Variants in HSD17B4 observed in about 807,000 individuals in gnomAD.
HSD17B4 encodes the protein hydroxysteroid 17-beta dehydrogenase 4, also known as peroxisomal multifunctional enzyme type 2.
In HSD17B4, 70 loss-of-function variants were observed where a neutral mutation model predicts 101.0. That is an observed-to-expected ratio of 0.69 (90% CI 0.57 to 0.85). HSD17B4 has a LOEUF of 0.85. HSD17B4 is among the 40% of genes least tolerant of loss of function. The pLI is 0.00. For synonymous variants in HSD17B4, 347 were observed against 297.1 expected, an observed-to-expected ratio of 1.17 and a Z score of -1.73; for missense variants, 984 against 892.4, an observed-to-expected ratio of 1.10 and a Z score of -1.31.
intron 22 of HSD17B4, chr5:119,535,665 A>G (rs901205347): frequency 7.6e-6 from 1 of 130,732 alleles, no homozygotes; most frequent in Non-Finnish European, 1.7e-5. Flanking sequence ...TTACTAATAT[A>G]TATTTTATAT....
chr5:119,525,755 C>G, intron 18 of HSD17B4, 162 bp from the exon 19 acceptor site: 1 of 571,708 alleles, frequency 1.7e-6, no homozygotes, highest in Admixed American at 3.3e-5. Context: ...AATTTCCTCC[C>G]AGGAAATACT....
intron 11 of HSD17B4, among the ~76,000 whole-genome samples, chr5:119,495,472 A>G (rs1580612217): frequency 2.0e-5 from 3 of 152,194 alleles, no homozygotes. Flanking sequence ...AGGAAAACCT[A>G]AACTAGCCAG....
chr5:119,494,325 T>TTTC (rs1554064680), intron 11 of HSD17B4, among the ~76,000 whole-genome samples: 586 of 111,590 alleles, frequency 5.3e-3, no homozygotes, highest in Non-Finnish European at 8.7e-3. Flanking sequence ...TCTTTCTTTC[T>TTTC]TTTCTTTCTT....
At chr5:119,458,192 A>C (rs1259117500) in intron 2 of HSD17B4, among the ~76,000 whole-genome samples, 2 of 152,218 alleles carry the variant, frequency 1.3e-5, no homozygotes, top group East Asian at 3.8e-4. Flanking sequence ...AGCCAGATTT[A>C]GTTTAGTATT....
chr5:119,484,911 G>A (rs552600825), intron 8 of HSD17B4, among the ~76,000 whole-genome samples: 37 of 152,158 alleles, frequency 2.4e-4, no homozygotes, highest in African/African-American at 8.9e-4. Context: ...TCTCATAGTC[G>A]TGTCAAAGGA....
intron 3 of HSD17B4, 51 bp from the exon 4 acceptor site, chr5:119,474,350 C>G (rs183339653): frequency 8.9e-7 from 1 of 1,122,034 alleles, no homozygotes; most frequent in African/African-American, 1.5e-5. Context: ...ATTTAGAAGT[C>G]CTTTGGAAGG....
At chr5:119,493,749 G>T in intron 10 of HSD17B4, 69 bp from the exon 11 acceptor site, 11 of 1,392,378 alleles carry the variant, frequency 7.9e-6, no homozygotes, top group Non-Finnish European at 1.1e-5. Flanking sequence ...AAATGAAAGG[G>T]TTCTTATGCA....
At chr5:119,500,295 T>C (rs190644594) in intron 13 of HSD17B4, among the ~76,000 whole-genome samples, 1 of 152,142 alleles carries the variant, frequency 6.6e-6, no homozygotes, top group East Asian at 1.9e-4. Flanking sequence ...ATAATTGGGA[T>C]ATGTATATAT....
intron 17 of HSD17B4, among the ~76,000 whole-genome samples, chr5:119,517,261 G>A (rs149177941): frequency 0.042 from 6,385 of 152,298 alleles, 561 homozygotes; most frequent in East Asian, 0.42. Flanking sequence ...CAGCGGCTGC[G>A]GAGGGTGTAC....
chr5:119,511,768 C>T (rs551253814), intron 16 of HSD17B4, among the ~76,000 whole-genome samples: 5 of 152,288 alleles, frequency 3.3e-5, no homozygotes, highest in African/African-American at 1.2e-4. Flanking sequence ...ACAATAACAA[C>T]AAGCCCTGGA....
intron 17 of HSD17B4, among the ~76,000 whole-genome samples, 153 bp from the exon 18 acceptor site, chr5:119,525,063 T>A (rs1304736234): frequency 6.6e-6 from 1 of 152,144 alleles, no homozygotes; most frequent in Admixed American, 6.6e-5. Context: ...TTATAGGTAA[T>A]CTTTATTGTT....
chr5:119,487,935 T>C (rs933563956), intron 8 of HSD17B4, among the ~76,000 whole-genome samples: 7 of 152,266 alleles, frequency 4.6e-5, no homozygotes, highest in East Asian at 3.9e-4. Context: ...CAGGGTGCCA[T>C]TGGAATGCTT....
intron 17 of HSD17B4, among the ~76,000 whole-genome samples, chr5:119,521,833 A>G (rs945679071): frequency 4.0e-5 from 6 of 149,886 alleles, no homozygotes; most frequent in African/African-American, 1.5e-4. Context: ...GTTTTGTTAC[A>G]GTTTTCTTCT....
At chr5:119,518,410 G>A (rs1300982805) in intron 17 of HSD17B4, among the ~76,000 whole-genome samples, 1 of 152,096 alleles carries the variant, frequency 6.6e-6, no homozygotes, top group African/African-American at 2.4e-5. Flanking sequence ...GAGGGTCCGC[G>A]GCTTCATTCT....
In HSD17B4 at chr5:119,526,038, C is replaced by G; in HGVS notation, c.1680+15C>G. Reference sequence around the variant, plus strand: ...AGGCAATTAAGGTAAATGTGTATTACTACGTAATTTGAATATTACTTCCTT... The same window carrying G: ...AGGCAATTAAGGTAAATGTGTATTAGTACGTAATTTGAATATTACTTCCTT... On this transcript the variant is annotated intron_variant, in intron 19 of 23. Coordinates refer to ENST00000510025, the MANE Select transcript of HSD17B4 (RefSeq NM_000414.4). 7.5e-7 allele frequency: 1 copy of G among 1,340,314 alleles called. No individual in the cohort carries two copies. The highest frequency in any genetic ancestry group is 2.3e-5 in the East Asian group (1 of 43,560). The allele number at this position is 1,340,314 out of a possible 1,614,324, so 83.0% of individuals were successfully genotyped here.
intron 17 of HSD17B4, 63 bp downstream of exon 17, chr5:119,515,109 C>T: frequency 2.3e-6 from 2 of 862,268 alleles, no homozygotes; most frequent in Admixed American, 1.7e-5. Flanking sequence ...TAATTTATAG[C>T]TCTGATACCT....
At position 119,536,405 on chromosome 5, in the gene HSD17B4, T is replaced by C; in HGVS notation, c.1994-18T>C. 1 of 1,610,778 alleles carries C rather than the reference T, an allele frequency of 6.2e-7. No homozygotes were observed. Among genetic ancestry groups the C allele is most frequent in the South Asian group, 1.1e-5 (1 of 91,028 alleles). On this transcript the variant is annotated intron_variant, in intron 22 of 23. Transcript: ENST00000510025. ...GGAGAGAAAAAGATACACATTGGTT[T>C]CTTCCTATTTTTCCCAGCTATTGAC...
chr5:119,531,450 T>A, intron 22 of HSD17B4, 46 bp downstream of exon 22: 1 of 1,551,288 alleles, frequency 6.4e-7, no homozygotes, highest in Non-Finnish European at 8.9e-7. Flanking sequence ...TAATTCTTAG[T>A]AAATAAAGTA....
At chr5:119,494,330 T>TTTCTTTCC (rs539428933) in intron 11 of HSD17B4, among the ~76,000 whole-genome samples, 1,121 of 76,232 alleles carry the variant, frequency 0.015, 7 homozygotes, top group Non-Finnish European at 0.022. Flanking sequence ...CTTTCTTTTC[T>TTTCTTTCC]TTCTTTCTTT....
Sources: gnomAD v4.1 joint callset for allele counts (sites outside exome capture counted in the v4.1 genomes callset) on GRCh38, gnomAD v4.1.1 for gene constraint, MANE v1.5 for transcripts, NCBI Gene and HGNC (gene_info 2026-07-23, HGNC 2026-07-21) for gene names.